The following AGAP1 variants were observed in gnomAD, a reference collection of about 807,000 sequenced individuals.
AGAP1 encodes arf-GAP with GTPase, ANK repeat and PH domain-containing protein 1.
In AGAP1, 29 loss-of-function variants were observed where a neutral mutation model predicts 105.3. The ratio of observed to expected loss-of-function variants is 0.28; its 90% CI spans 0.21 to 0.38. AGAP1 has a LOEUF of 0.38. Ranked by LOEUF, AGAP1 falls within the 10% of genes least tolerant of loss-of-function variation. AGAP1 has a pLI of 1.00. For synonymous variants in AGAP1, 509 were observed against 485.9 expected, an observed-to-expected ratio of 1.05 and a Z score of -0.63; for missense variants, 998 against 1,165.1, an observed-to-expected ratio of 0.86 and a Z score of 2.09.
chr2:236,111,714 C>T (rs887933749), intron 16 of AGAP1, among the ~76,000 whole-genome samples: 7 of 151,478 alleles, frequency 4.6e-5, no homozygotes, highest in Non-Finnish European at 1.0e-4. Flanking sequence ...ACTGCTTGAG[C>T]CCAGGAGTTC....
intron 1 of AGAP1, among the ~76,000 whole-genome samples, chr2:235,697,116 C>T (rs1188951829): frequency 6.6e-6 from 1 of 152,202 alleles, no homozygotes; most frequent in African/African-American, 2.4e-5. Flanking sequence ...CAGCCCCAGG[C>T]ACCAGCCAGC....
intron 13 of AGAP1, among the ~76,000 whole-genome samples, chr2:236,017,036 C>A (rs1292224885): frequency 6.6e-6 from 1 of 151,980 alleles, no homozygotes; most frequent in East Asian, 1.9e-4. Flanking sequence ...TACCTGTAAT[C>A]CCAGCACTTT....
rs1011983434 is a variant in AGAP1, at chr2:235,867,693, A to C, written c.1051-15652A>C. ...GCAGGGTATAGCTTAGCATAATGAG[A>C]GGGCAAAAGCAAGATGACTAAGTGT... On this transcript the variant is annotated intron_variant, in intron 9 of 17. Transcript: ENST00000304032. This position sits in a 1 kb window ranked among gnomAD's most constrained non-coding sequence, Gnocchi z 5.4. Among the ~76,000 whole-genome samples, 3 of 152,134 alleles carry C rather than the reference A, an allele frequency of 2.0e-5. No homozygotes were observed. The highest frequency in any genetic ancestry group is 7.2e-5 in the African/African-American group (3 of 41,438).
In AGAP1 at chr2:235,494,831, C is replaced by T; in HGVS notation, c.145C>T (p.His49Tyr). ...GGTGCTGCAGAACCAGATCCGGGAG[C>T]ACGTCATCGCCATCGAAGGTGAGGG... The part of the protein sequence containing the change: ...EPVLQNQIRE[H>Y]VIAIEDAFVN... The change falls in exon 1 of 18, where the codon CAC becomes TAC. Residue 49 changes from histidine (H) to tyrosine (Y), a missense_variant. Transcript: ENST00000304032. 1.9e-6 allele frequency: 3 copies of T among 1,573,188 alleles called. No homozygotes were observed. Among genetic ancestry groups the T allele is most frequent in the East Asian group, 2.5e-5 (1 of 39,948 alleles).
chr2:236,119,842 A>G lies in AGAP1; in HGVS notation c.2115-350A>G, dbSNP rs1460545805. Among the ~76,000 whole-genome samples, 2 of 152,116 alleles carry G rather than the reference A, an allele frequency of 1.3e-5. No homozygotes were observed. Among genetic ancestry groups the G allele is most frequent in the Non-Finnish European group, 2.9e-5 (2 of 68,022 alleles). ...TTCCAAGGACAGCTTCTACACTAAA[A>G]GTGACAGAAGCAGCACCAAGGCAGT... On this transcript the variant is annotated intron_variant, in intron 16 of 17. Coordinates refer to ENST00000304032, the MANE Select transcript of AGAP1 (RefSeq NM_001037131.3). The surrounding 1 kb of genome is among the most constrained non-coding windows in gnomAD (Gnocchi z 6.6).
In AGAP1 at chr2:235,824,047, A is replaced by T. The variant is rs1161869093; in HGVS notation, c.1050+16716A>T. ...AGTGGTCTTCACATTGAAGGGCCTT[A>T]TGTAGCACCGAGCTCCCAGTATGTA... is the stretch of plus-strand genomic sequence containing the variant. On this transcript the variant is annotated intron_variant, in intron 9 of 17. Transcript: ENST00000304032. The surrounding 1 kb of genome is among the most constrained non-coding windows in gnomAD (Gnocchi z 5.2). 6.6e-6 allele frequency among the ~76,000 whole-genome samples: 1 copy of T among 152,226 alleles called. No homozygotes were observed. The highest frequency in any genetic ancestry group is 1.5e-5 in the Non-Finnish European group (1 of 68,044).
At chr2:235,886,066 A>C (rs2050261462) in intron 10 of AGAP1, among the ~76,000 whole-genome samples, 1 of 151,986 alleles carries the variant, frequency 6.6e-6, no homozygotes, top group Non-Finnish European at 1.5e-5. Flanking sequence ...CCCTCTCCAC[A>C]CCCAGCTTCC....
rs368766532 is a variant in AGAP1, at chr2:236,015,975, CT to C, written c.1646-20579del. Among the ~76,000 whole-genome samples the C allele has an allele frequency of 5.9e-3, 891 of 152,250 alleles. 5 individuals are homozygous for C. Among genetic ancestry groups the C allele is most frequent in the African/African-American group, 0.02 (840 of 41,546 alleles). On this transcript the variant is annotated intron_variant, in intron 13 of 17. Transcript: ENST00000304032. ...CTTTGCCGATTTATATCACCATCCT[CT>C]TTTTTTCTTTCTTTCACAATTACTC...
chr2:235,869,132 G>T (rs1470320214), intron 9 of AGAP1, among the ~76,000 whole-genome samples: 1 of 152,158 alleles, frequency 6.6e-6, no homozygotes, highest in African/African-American at 2.4e-5. Flanking sequence ...GTTAAAATTT[G>T]TCTGGTGGGT....
In AGAP1 at chr2:236,053,828, C is replaced by T. The variant is rs1410001347; in HGVS notation, c.2114+4547C>T. ...AAGAGCTCTTGAGAGGCGCTTTAAG[C>T]GCAACTGAAATCACCCATTACCTCT... On this transcript the variant is annotated intron_variant, in intron 16 of 17. Coordinates refer to ENST00000304032, the MANE Select transcript of AGAP1 (RefSeq NM_001037131.3). This position sits in a 1 kb window ranked among gnomAD's most constrained non-coding sequence, Gnocchi z 4.6. 6.6e-6 allele frequency among the ~76,000 whole-genome samples: 1 copy of T among 152,228 alleles called. No homozygotes were observed. The highest frequency in any genetic ancestry group is 1.5e-5 in the Non-Finnish European group (1 of 68,040).
intron 13 of AGAP1, among the ~76,000 whole-genome samples, chr2:236,024,034 GTTT>G (rs1164008066): frequency 3.1e-5 from 4 of 129,112 alleles, no homozygotes; most frequent in African/African-American, 8.6e-5. Context: ...TTTTTTTTTT[GTTT>G]TTTTTTTTTT....
rs985664239 is a variant in AGAP1, at chr2:235,964,278, T to C, written c.1484-4184T>C. Among the ~76,000 whole-genome samples, 1 of 152,160 alleles carries C rather than the reference T, an allele frequency of 6.6e-6. No individual in the cohort carries two copies. The highest frequency in any genetic ancestry group is 1.5e-5 in the Non-Finnish European group (1 of 68,030). ...ACAGAGTAAAATAATATGATTTTAA[T>C]ATAATAATATTACTTAATAGCGGCC... On this transcript the variant is annotated intron_variant, in intron 12 of 17. Coordinates refer to ENST00000304032, the MANE Select transcript of AGAP1 (RefSeq NM_001037131.3). The surrounding 1 kb of genome is among the most constrained non-coding windows in gnomAD (Gnocchi z 4.6).
At position 235,494,613 on chromosome 2, in the gene AGAP1, C is replaced by T. The variant is rs1158036802; in HGVS notation, c.-74C>T. On this transcript the variant is annotated 5_prime_UTR_variant, in exon 1 of 18. Transcript: ENST00000304032. ...CCCGGGGGCTGCGGCGCCCCGGGCT[C>T]GGCGGCCCGCGGGCCCCGGGGCGCG... 6 of 837,502 alleles carry T rather than the reference C, an allele frequency of 7.2e-6. No individual in the cohort carries two copies. Among genetic ancestry groups the T allele is most frequent in the Non-Finnish European group, 8.5e-6 (6 of 702,288 alleles). The allele number at this position is 837,502 out of a possible 1,614,324, so 51.9% of individuals were successfully genotyped here. A position where few individuals can be genotyped will look rare whatever the true frequency, so the allele number is the denominator to read the frequency against.
At position 236,017,059 on chromosome 2, in the gene AGAP1, C is replaced by T. The variant is rs143917103; in HGVS notation, c.1646-19502C>T. ...ATCCCAGCACTTTGAGAGGCTGAGA[C>T]GGGTGGGTCACCTGAGGTCAGGAGT... On this transcript the variant is annotated intron_variant, in intron 13 of 17. Coordinates refer to ENST00000304032, the MANE Select transcript of AGAP1 (RefSeq NM_001037131.3). 5.9e-3 allele frequency among the ~76,000 whole-genome samples: 891 copies of T among 151,960 alleles called. 4 individuals carry two copies. The highest frequency in any genetic ancestry group is 0.02 in the African/African-American group (835 of 41,432).
intron 1 of AGAP1, chr2:235,669,465 C>G (rs1420650144): frequency 6.5e-6 from 1 of 153,048 alleles, no homozygotes; most frequent in Non-Finnish European, 1.5e-5. Context: ...CTGCGTCGAT[C>G]CATCCCGGCG....
rs1576046769 is a variant in AGAP1 at position 236,009,798 on chromosome 2, G to T, written c.1646-26763G>T. On this transcript the variant is annotated intron_variant, in intron 13 of 17. Coordinates refer to ENST00000304032, the MANE Select transcript of AGAP1 (RefSeq NM_001037131.3). This position sits in a 1 kb window ranked among gnomAD's most constrained non-coding sequence, Gnocchi z 4.2. Reference sequence around the variant, plus strand: ...GGATGTAATTCATGCACACTTGGACGTCCAACATGGCTGACGCGCCTTGGA... The same window carrying T: ...GGATGTAATTCATGCACACTTGGACTTCCAACATGGCTGACGCGCCTTGGA... Among the ~76,000 whole-genome samples, 1 of 152,146 alleles carries T rather than the reference G, an allele frequency of 6.6e-6. No individual in the cohort carries two copies. The highest frequency in any genetic ancestry group is 1.9e-4 in the East Asian group (1 of 5,190).
intron 1 of AGAP1, among the ~76,000 whole-genome samples, chr2:235,604,111 C>G (rs1028438923): frequency 1.3e-5 from 2 of 151,170 alleles, no homozygotes; most frequent in Admixed American, 6.6e-5. Flanking sequence ...TATCAGAATT[C>G]AGGCTGGTTT....
rs1168359985 is a variant in AGAP1, at chr2:235,754,314, T to A, written c.673+3826T>A. Among the ~76,000 whole-genome samples, 1 of 152,230 alleles carries A rather than the reference T, an allele frequency of 6.6e-6. No homozygotes were observed. ...TCACATTTCTTGATAACTCTCTGGC[T>A]TCTTTTTTGCCCTAGGGCTTACTTT... On this transcript the variant is annotated intron_variant, in intron 6 of 17. Transcript: ENST00000304032. The surrounding 1 kb of genome is among the most constrained non-coding windows in gnomAD (Gnocchi z 4.6).
chr2:235,922,830 A>T (rs2052246631), intron 11 of AGAP1, among the ~76,000 whole-genome samples: 1 of 152,234 alleles, frequency 6.6e-6, no homozygotes, highest in African/African-American at 2.4e-5. Context: ...TTTGAAATGC[A>T]AATTGTGTAA....
Sources: gnomAD v4.1 joint callset for allele counts (sites outside exome capture counted in the v4.1 genomes callset) on GRCh38, gnomAD v4.1.1 for gene constraint, Gnocchi (gnomAD v3.1) non-coding constraint, MANE v1.5 for transcripts, NCBI Gene and HGNC (gene_info 2026-07-23, HGNC 2026-07-21) for gene names.